Variants in LTBP1 observed in about 807,000 individuals in gnomAD.
LTBP1 encodes the protein latent transforming growth factor beta binding protein 1, also known as latent-transforming growth factor beta-binding protein 1.
Under a neutral mutation model 207.6 loss-of-function variants are expected in LTBP1, and 129 were observed. The ratio of observed to expected loss-of-function variants is 0.62; its 90% CI spans 0.54 to 0.72. The LOEUF (loss-of-function observed/expected upper bound fraction) is 0.72. Among genes scored for constraint, LTBP1 ranks in the 30% least tolerant of loss-of-function variants. The pLI is 0.00. For missense variants in LTBP1, 2,281 were observed against 2,217.2 expected (o/e 1.03, Z -0.58); for synonymous variants, 963 against 833.7 (o/e 1.16, Z -2.67).
At chr2:33,315,011 G>A in intron 23 of LTBP1, 133 bp from the exon 24 acceptor site, 1 of 703,994 alleles carries the variant, frequency 1.4e-6, no homozygotes, top group Non-Finnish European at 2.3e-6. Context: ...TTGATTTATG[G>A]ACAAATGGTA....
At chr2:33,236,314 C>T (rs1474236520) in intron 9 of LTBP1, among the ~76,000 whole-genome samples, 1 of 152,156 alleles carries the variant, frequency 6.6e-6, no homozygotes, top group Non-Finnish European at 1.5e-5. Context: ...GTCAATGGCT[C>T]AGTGGGAACT....
intron 3 of LTBP1, among the ~76,000 whole-genome samples, chr2:33,067,985 T>C (rs1184866888): frequency 1.3e-5 from 2 of 152,174 alleles, no homozygotes; most frequent in African/African-American, 4.8e-5. Flanking sequence ...AAGAATATAA[T>C]AAAAATTTTT....
chr2:32,992,901 A>G (rs1168711909), intron 2 of LTBP1, among the ~76,000 whole-genome samples: 1 of 152,060 alleles, frequency 6.6e-6, no homozygotes, highest in African/African-American at 2.4e-5. Context: ...CAGGGCTGGC[A>G]TCAGTGGGGA....
chr2:32,985,462 G>C (rs1001143641), intron 2 of LTBP1, among the ~76,000 whole-genome samples: 2 of 152,188 alleles, frequency 1.3e-5, no homozygotes, highest in Admixed American at 6.5e-5. Flanking sequence ...GTCTCCTAGA[G>C]GAGCTCAGTA....
intron 2 of LTBP1, among the ~76,000 whole-genome samples, chr2:32,984,960 A>AAAACC (rs1368409019): frequency 6.6e-6 from 1 of 152,014 alleles, no homozygotes; most frequent in Non-Finnish European, 1.5e-5. Flanking sequence ...AAAACAAAAC[A>AAAACC]AAACCAGTTA....
At chr2:32,982,772 G>A (rs998403393) in intron 2 of LTBP1, among the ~76,000 whole-genome samples, 3 of 152,202 alleles carry the variant, frequency 2.0e-5, no homozygotes, top group South Asian at 4.1e-4. Flanking sequence ...TGAGCCTGTG[G>A]GTGCACAGAA....
chr2:33,347,513 A>G lies in LTBP1; in HGVS notation c.4000+3A>G, dbSNP rs765580473. On this transcript the variant is annotated splice_donor_region_variant and intron_variant, in intron 26 of 33. Coordinates refer to ENST00000404816, the MANE Select transcript of LTBP1 (RefSeq NM_206943.4). ...GTGCCGCTCCCGGACCTCCACAGGTAAGTCCCAGTGACACTGTGCAAGGGA... is the reference window on the plus strand; with the variant it reads ...GTGCCGCTCCCGGACCTCCACAGGTGAGTCCCAGTGACACTGTGCAAGGGA... The G allele has an allele frequency of 1.2e-6, 2 of 1,614,070 alleles. No individual in the cohort carries two copies. The highest frequency in any genetic ancestry group is 1.1e-5 in the South Asian group (1 of 91,062).
At chr2:33,150,895 C>G (rs1219341467) in intron 5 of LTBP1, among the ~76,000 whole-genome samples, 1 of 150,850 alleles carries the variant, frequency 6.6e-6, no homozygotes, top group East Asian at 2.0e-4. Flanking sequence ...GCCACCATGC[C>G]TGGCTAATTT....
rs188691730 is a variant in LTBP1, at chr2:33,309,233, A to G, written c.3482-201A>G. On this transcript the variant is annotated intron_variant, in intron 22 of 33. Coordinates refer to ENST00000404816, the MANE Select transcript of LTBP1 (RefSeq NM_206943.4). Reference sequence around the variant, plus strand: ...GGGAGGCAGAGGTTGCAGTGAGCCAAGATAGCGCCACTGCACTCCAGCATG... The same window carrying G: ...GGGAGGCAGAGGTTGCAGTGAGCCAGGATAGCGCCACTGCACTCCAGCATG... 3.1e-4 allele frequency among the ~76,000 whole-genome samples: 47 copies of G among 151,706 alleles called. 2 individuals are homozygous for G. Among genetic ancestry groups the G allele is most frequent in the African/African-American group, 1.1e-3 (45 of 41,318 alleles).
intron 24 of LTBP1, among the ~76,000 whole-genome samples, chr2:33,327,481 A>C (rs1475181771): frequency 6.6e-6 from 1 of 152,234 alleles, no homozygotes; most frequent in Non-Finnish European, 1.5e-5. Context: ...CCCATGACAT[A>C]GAGTGGGTCA....
chr2:33,060,812 G>C (rs926890675), intron 3 of LTBP1, among the ~76,000 whole-genome samples: 1 of 151,826 alleles, frequency 6.6e-6, no homozygotes, highest in Admixed American at 6.6e-5. Flanking sequence ...AATAGTACAA[G>C]GTTTATGTTT....
chr2:33,004,816 A>ATATATATATATAG (rs1558501569), intron 2 of LTBP1, among the ~76,000 whole-genome samples: 23 of 72,048 alleles, frequency 3.2e-4, no homozygotes, highest in African/African-American at 9.1e-4. Context: ...TATATATATA[A>ATATATATATATAG]ACATAAAATT....
At position 33,190,857 on chromosome 2, in the gene LTBP1, C is replaced by T. The variant is rs77884070; in HGVS notation, c.1701+2006C>T. ...TGAAATGCGACTACAGGGGACCTAA[C>T]GTGGCTTTTCATTCCCCAGTTTTGC... On this transcript the variant is annotated intron_variant, in intron 7 of 33. Coordinates refer to ENST00000404816, the MANE Select transcript of LTBP1 (RefSeq NM_206943.4). Among the ~76,000 whole-genome samples, 515 of 152,250 alleles carry T rather than the reference C, an allele frequency of 3.4e-3. 5 individuals are homozygous for T. The highest frequency in any genetic ancestry group is 0.028 in the Admixed American group (435 of 15,294).
intron 2 of LTBP1, among the ~76,000 whole-genome samples, chr2:32,965,152 A>G (rs1463366359): frequency 6.6e-6 from 1 of 152,238 alleles, no homozygotes; most frequent in Non-Finnish European, 1.5e-5. Context: ...CTCCATGGTC[A>G]AAGTGGACAG....
rs548063972 is a variant in LTBP1, at chr2:33,045,254, A to T, written c.863+24048A>T. On this transcript the variant is annotated intron_variant, in intron 3 of 33. Transcript: ENST00000404816. ...GGGTTTTTATGGTTTTAGGTCTTAC[A>T]TTTAAGTCTTTAGTCCATCTTGAGT... Among the ~76,000 whole-genome samples, 23 of 152,226 alleles carry T rather than the reference A, an allele frequency of 1.5e-4. 1 individual carries two copies. The highest frequency in any genetic ancestry group is 5.3e-4 in the African/African-American group (22 of 41,528).
intron 5 of LTBP1, among the ~76,000 whole-genome samples, chr2:33,158,031 G>A (rs1231352884): frequency 6.6e-6 from 1 of 151,788 alleles, no homozygotes; most frequent in Non-Finnish European, 1.5e-5. Context: ...AGCTACTTGG[G>A]AGGCTGAGGC....
chr2:33,149,371 A>G (rs1215581554), intron 5 of LTBP1, among the ~76,000 whole-genome samples: 1 of 151,892 alleles, frequency 6.6e-6, no homozygotes, highest in East Asian at 1.9e-4. Flanking sequence ...TTCCTATCAG[A>G]CAACATCTTA....
chr2:32,980,089 A>G (rs938424133), intron 2 of LTBP1, among the ~76,000 whole-genome samples: 3 of 152,018 alleles, frequency 2.0e-5, no homozygotes, highest in Admixed American at 1.3e-4. Context: ...CTTATAGGCA[A>G]CATACTGTTA....
At chr2:33,102,751 A>G (rs2079807368) in intron 3 of LTBP1, among the ~76,000 whole-genome samples, 1 of 152,166 alleles carries the variant, frequency 6.6e-6, no homozygotes, top group South Asian at 2.1e-4. Flanking sequence ...GTTTGTATGC[A>G]CTGTCCGTAT....
Sources: gnomAD v4.1 joint callset for allele counts (sites outside exome capture counted in the v4.1 genomes callset) on GRCh38, gnomAD v4.1.1 for gene constraint, MANE v1.5 for transcripts, NCBI Gene and HGNC (gene_info 2026-07-23, HGNC 2026-07-21) for gene names.